The following RPS6KA2 variants were observed in gnomAD, a reference collection of about 807,000 sequenced individuals.
The protein encoded by RPS6KA2 is ribosomal protein S6 kinase alpha-2.
RPS6KA2 carries 42 observed loss-of-function variants against 91.8 expected under a neutral mutation model. That is an observed-to-expected ratio of 0.46 (90% CI 0.36 to 0.59). RPS6KA2 has a LOEUF of 0.59. Among genes scored for constraint, RPS6KA2 ranks in the 20% least tolerant of loss-of-function variants. The pLI is 0.00. For missense variants in RPS6KA2, 798 were observed against 978.5 expected (o/e 0.82, Z 2.46); for synonymous variants, 414 against 393.6 (o/e 1.05, Z -0.61).
Position 166,508,082 on chromosome 6 carries a change from CACA to C in RPS6KA2, c.459+118_459+120del. ...ACACACTCACACATGCACACACCCC[CACA>C]CACACACACGCACTCTCGCACGTGC... is the stretch of plus-strand genomic sequence containing the variant. On this transcript the variant is annotated intron_variant, in intron 5 of 20. Coordinates refer to ENST00000265678, the MANE Select transcript of RPS6KA2 (RefSeq NM_021135.6). This position sits in a 1 kb window ranked among gnomAD's most constrained non-coding sequence, Gnocchi z 4.3. 1.8e-6 allele frequency: 1 copy of C among 548,302 alleles called. No homozygotes were observed. Among genetic ancestry groups the C allele is most frequent in the South Asian group, 2.2e-5 (1 of 46,182 alleles). The allele number at this position is 548,302 out of a possible 1,614,324, so 34.0% of individuals were successfully genotyped here.
At chr6:166,646,040 G>C (rs9356502) in intron 2 of RPS6KA2, among the ~76,000 whole-genome samples, 47,596 of 152,112 alleles carry the variant, frequency 0.31, 7,643 homozygotes, top group East Asian at 0.42. Context: ...TTGTAGTGGT[G>C]AGGTTGTAAA....
At chr6:166,468,973 G>A (rs868593174) in intron 11 of RPS6KA2, among the ~76,000 whole-genome samples, 5 of 151,998 alleles carry the variant, frequency 3.3e-5, no homozygotes, top group African/African-American at 1.2e-4. Context: ...AGGTTAATTT[G>A]TTAGGTCAGG....
chr6:166,410,882 G>A lies in RPS6KA2; in HGVS notation c.*1880C>T, dbSNP rs1778276661. 1 of 152,010 alleles carries A rather than the reference G, an allele frequency of 6.6e-6. No homozygotes were observed. Among genetic ancestry groups the A allele is most frequent in the African/African-American group, 2.4e-5 (1 of 41,380 alleles). 9.4% of individuals were successfully genotyped at this position (152,010 alleles called of 1,614,324 possible). On this transcript the variant is annotated 3_prime_UTR_variant, in exon 21 of 21. Coordinates refer to ENST00000265678, the MANE Select transcript of RPS6KA2 (RefSeq NM_021135.6). ...AAGGTGATGACTTTTGTTCATTTCT[G>A]GGAGGACAGATTGTGTGACCTCAGG...
In RPS6KA2 at chr6:166,632,383, T is replaced by A. The variant is rs578126746; in HGVS notation, c.124-93599A>T. Among the ~76,000 whole-genome samples, 25 of 152,178 alleles carry A rather than the reference T, an allele frequency of 1.6e-4. No individual in the cohort carries two copies. In the East Asian group the frequency reaches 4.6e-3, roughly 28 times the overall value. Reference sequence around the variant, plus strand: ...ATCCCAGCACTTTGGGAGGCTGAGGTGGGCAGATCACCTGAGATCAGGAGT... The same window carrying A: ...ATCCCAGCACTTTGGGAGGCTGAGGAGGGCAGATCACCTGAGATCAGGAGT... On this transcript the variant is annotated intron_variant, in intron 2 of 21. Transcript: ENST00000503859.
intron 2 of RPS6KA2, among the ~76,000 whole-genome samples, chr6:166,759,181 A>G (rs1448142300): frequency 6.6e-6 from 1 of 152,238 alleles, no homozygotes; most frequent in African/African-American, 2.4e-5. Flanking sequence ...AGTCCTTCAG[A>G]GGGACTTTCT....
At position 166,612,715 on chromosome 6, in the gene RPS6KA2, AC is replaced by A. The variant is rs1450559245; in HGVS notation, c.99+14205del. On this transcript the variant is annotated intron_variant, in intron 1 of 20. Transcript: ENST00000265678. This position sits in a 1 kb window ranked among gnomAD's most constrained non-coding sequence, Gnocchi z 4.3. ...GGTAGGAAAATGCTGAGTGAAGGTA[AC>A]AGGACTGTGCAGTTGGGAAGCTCAT... Among the ~76,000 whole-genome samples the A allele has an allele frequency of 6.6e-6, 1 of 152,138 alleles. No individual in the cohort carries two copies. Among genetic ancestry groups the A allele is most frequent in the African/African-American group, 2.4e-5 (1 of 41,442 alleles).
At chr6:166,858,068 GTATAGAGACA>G in intron 2 of RPS6KA2, 1 of 719,564 alleles carries the variant, frequency 1.4e-6, no homozygotes, top group East Asian at 2.5e-5. Context: ...GCATGTGTAT[GTATAGAGACA>G]CATATGTCAC....
intron 2 of RPS6KA2, among the ~76,000 whole-genome samples, chr6:166,730,298 T>TTTCAG (rs60001464): frequency 0.38 from 57,020 of 151,854 alleles, 14,293 homozygotes; most frequent in African/African-American, 0.73. Flanking sequence ...TGGGAACTTC[T>TTTCAG]TTAGTTTGGT....
At chr6:166,522,163 G>A (rs1158223650) in intron 3 of RPS6KA2, among the ~76,000 whole-genome samples, 2 of 152,222 alleles carry the variant, frequency 1.3e-5, no homozygotes, top group African/African-American at 2.4e-5. Context: ...AATGAACTAA[G>A]ACACGTATCG....
At chr6:166,766,804 C>T (rs1284959368) in intron 2 of RPS6KA2, among the ~76,000 whole-genome samples, 2 of 152,222 alleles carry the variant, frequency 1.3e-5, no homozygotes, top group African/African-American at 4.8e-5. Flanking sequence ...GGGGCTGGAA[C>T]GCAGAAGCAC....
intron 16 of RPS6KA2, 133 bp downstream of exon 16, chr6:166,430,320 G>C: frequency 1.2e-6 from 1 of 844,540 alleles, no homozygotes. Context: ...AGACACAAGA[G>C]AGACGATGGT....
chr6:166,484,906 G>A (rs529677410), intron 10 of RPS6KA2, among the ~76,000 whole-genome samples: 1 of 152,354 alleles, frequency 6.6e-6, no homozygotes, highest in South Asian at 2.1e-4. Context: ...TGTTTGACCT[G>A]CTTTGAAGTA....
At chr6:166,656,796 G>T (rs1170841026) in intron 2 of RPS6KA2, among the ~76,000 whole-genome samples, 2 of 152,214 alleles carry the variant, frequency 1.3e-5, no homozygotes, top group Non-Finnish European at 2.9e-5. Context: ...CCCTGGCTCA[G>T]GTAGGTGCCA....
intron 10 of RPS6KA2, among the ~76,000 whole-genome samples, chr6:166,486,079 T>C (rs1583194881): frequency 1.3e-5 from 2 of 152,200 alleles, no homozygotes; most frequent in African/African-American, 4.8e-5. Flanking sequence ...AATGTGGCTG[T>C]GACCCTGGCT....
intron 1 of RPS6KA2, among the ~76,000 whole-genome samples, chr6:166,619,644 C>T (rs1326866832): frequency 3.3e-5 from 5 of 152,246 alleles, no homozygotes; most frequent in Non-Finnish European, 5.9e-5. Flanking sequence ...CAGCCTTGCC[C>T]GGCTCCCAGC....
At chr6:166,794,316 T>C (rs1471336709) in intron 2 of RPS6KA2, among the ~76,000 whole-genome samples, 7 of 151,772 alleles carry the variant, frequency 4.6e-5, no homozygotes, top group Middle Eastern at 3.4e-3. Flanking sequence ...TACCATCTCA[T>C]ACCAGTTAGA....
intron 2 of RPS6KA2, among the ~76,000 whole-genome samples, chr6:166,680,149 C>T (rs1013180262): frequency 6.6e-6 from 1 of 151,948 alleles, no homozygotes; most frequent in Non-Finnish European, 1.5e-5. Flanking sequence ...GGTATGTAAA[C>T]GCACCAATCA....
intron 2 of RPS6KA2, among the ~76,000 whole-genome samples, chr6:166,692,364 C>T (rs1789234114): frequency 6.6e-6 from 1 of 152,138 alleles, no homozygotes; most frequent in African/African-American, 2.4e-5. Flanking sequence ...GAAGAAGATG[C>T]TGTGAGAAAA....
At chr6:166,808,752 T>C (rs913751127) in intron 2 of RPS6KA2, among the ~76,000 whole-genome samples, 6 of 152,220 alleles carry the variant, frequency 3.9e-5, no homozygotes, top group Non-Finnish European at 5.9e-5. Context: ...GAGCACACTT[T>C]AGCAGTATCA....
Sources: allele counts gnomAD v4.1 joint callset (sites outside exome capture counted in the v4.1 genomes callset), GRCh38; gene constraint gnomAD v4.1.1; non-coding constraint Gnocchi (gnomAD v3.1); transcripts MANE v1.5; gene names NCBI Gene and HGNC (gene_info 2026-07-23, HGNC 2026-07-21).